SEMA4B: variants seen among roughly 807,000 people sequenced by gnomAD.
The protein encoded by SEMA4B is semaphorin-4B.
In SEMA4B, 55 loss-of-function variants were observed where a neutral mutation model predicts 88.1. The ratio of observed to expected loss-of-function variants is 0.62; its 90% confidence interval spans 0.50 to 0.78. The LOEUF (loss-of-function observed/expected upper bound fraction) is 0.78, where lower values mean the gene tolerates loss of function less well. Ranked by LOEUF, SEMA4B falls within the 30% of genes least tolerant of loss-of-function variation. The pLI is 0.00. For missense variants in SEMA4B, 1,062 were observed against 1,111.9 expected (o/e 0.96, Z 0.64); for synonymous variants, 525 against 473.6 (o/e 1.11, Z -1.41).
intron 5 of SEMA4B, 21 bp from the exon 6 acceptor site, chr15:90,221,346 A>G: frequency 6.5e-7 from 1 of 1,540,728 alleles, no homozygotes; most frequent in Non-Finnish European, 8.8e-7. Context: ...GCCCATTCCC[A>G]TGGGAATGTT....
rs1265615715 is a variant in SEMA4B, at chr15:90,224,005, T to A, written c.1194+17T>A. 11 of 1,599,934 alleles carry A rather than the reference T, an allele frequency of 6.9e-6. No homozygotes were observed. In the South Asian group the frequency reaches 1.1e-4, roughly 16 times the overall value. Reference sequence around the variant, plus strand: ...CCTGGAGCGGTGGGTACTGGCTCCCTGCACCCAGAAGGGGTGCCGGGAAGA... The same window carrying A: ...CCTGGAGCGGTGGGTACTGGCTCCCAGCACCCAGAAGGGGTGCCGGGAAGA... On this transcript the variant is annotated intron_variant, in intron 9 of 13. Coordinates refer to ENST00000411539, the MANE Select transcript of SEMA4B (RefSeq NM_198925.4).
intron 3 of SEMA4B, chr15:90,219,079 A>T (rs1113197): frequency 0.2 from 29,891 of 152,098 alleles, 3,703 homozygotes; most frequent in East Asian, 0.63. Flanking sequence ...TGTGGTAGAG[A>T]AGCCTCCATG....
upstream of SEMA4B, among the ~76,000 whole-genome samples, chr15:90,200,116 G>T (rs1308094967): frequency 6.6e-6 from 1 of 152,260 alleles, no homozygotes; most frequent in Non-Finnish European, 1.5e-5. Context: ...TTAGCTGTAA[G>T]AAAGGAGACC....
At chr15:90,225,560 G>A (rs1962119728) in intron 11 of SEMA4B, 101 bp from the exon 12 acceptor site, 3 of 1,387,670 alleles carry the variant, frequency 2.2e-6, no homozygotes, top group African/African-American at 1.4e-5. Flanking sequence ...TACGTAACAG[G>A]CCTCTTGGGG....
intron 3 of SEMA4B, chr15:90,219,067 A>G (rs1382189472): frequency 1.3e-5 from 2 of 152,248 alleles, no homozygotes; most frequent in African/African-American, 2.4e-5. Context: ...CACTCTGGCT[A>G]CTGTGGTAGA....
At chr15:90,193,509 C>G (rs1960408759) in intron 1 of SEMA4B, 1 of 152,296 alleles carries the variant, frequency 6.6e-6, no homozygotes, top group East Asian at 1.9e-4. Context: ...CCTCAAAGGA[C>G]TTGCTGCCCA....
At chr15:90,198,588 A>T (rs7168219), upstream of SEMA4B, among the ~76,000 whole-genome samples, 2,613 of 152,296 alleles carry the variant, frequency 0.017, 62 homozygotes, top group African/African-American at 0.059. Context: ...CTTCAAGGTG[A>T]TAAATGAGCA....
chr15:90,224,472 G>A (rs1962037025), intron 9 of SEMA4B, among the ~76,000 whole-genome samples: 1 of 152,232 alleles, frequency 6.6e-6, no homozygotes, highest in Admixed American at 6.5e-5. Context: ...AGAGGAGGAG[G>A]GAGGGAAACC....
chr15:90,224,991 A>G lies in SEMA4B; in HGVS notation c.1218A>G (p.Glu406=), dbSNP rs373797394. 358 of 1,613,896 alleles carry G rather than the reference A, an allele frequency of 2.2e-4. No individual in the cohort carries two copies. The African/African-American group carries it at 4.3e-3, about 19-fold the overall frequency. ...PGACITNSAR[E]RKINSSLQLP... is the part of the protein sequence containing the mutation. Reference sequence around the variant, plus strand: ...AGTGCATCACCAACAGTGCCCGGGAAAGGAAGATCAACTCATCCCTGCAGC... The same window carrying G: ...AGTGCATCACCAACAGTGCCCGGGAGAGGAAGATCAACTCATCCCTGCAGC... Residue 406 remains glutamate (E), a synonymous_variant, in exon 10 of 14, where the codon GAA becomes GAG. Transcript: ENST00000411539.
chr15:90,185,311 G>A (rs1282925170), intron 1 of SEMA4B, among the ~76,000 whole-genome samples: 1 of 152,232 alleles, frequency 6.6e-6, no homozygotes, highest in Non-Finnish European at 1.5e-5. Context: ...ATGGCCACCG[G>A]GGGCCTTTGA....
At chr15:90,195,926 T>A (rs1283123216) in intron 1 of SEMA4B, among the ~76,000 whole-genome samples, 1 of 111,420 alleles carries the variant, frequency 9.0e-6, no homozygotes, top group Non-Finnish European at 1.7e-5. Context: ...GTACTTCTCT[T>A]TTTTTTTTTT....
At chr15:90,193,657 A>G (rs1050377266) in intron 1 of SEMA4B, 4 of 152,184 alleles carry the variant, frequency 2.6e-5, no homozygotes, top group African/African-American at 9.7e-5. Flanking sequence ...CACCAGGGCA[A>G]AGCAGCCCCA....
chr15:90,211,784 A>G (rs1199105610), intron 1 of SEMA4B, among the ~76,000 whole-genome samples: 1 of 152,020 alleles, frequency 6.6e-6, no homozygotes, highest in African/African-American at 2.4e-5. Flanking sequence ...AGAGTGGGGG[A>G]GGCCACTGGC....
intron 10 of SEMA4B, 25 bp from the exon 11 acceptor site, chr15:90,225,257 G>A: frequency 6.4e-7 from 1 of 1,554,500 alleles, no homozygotes; most frequent in South Asian, 1.2e-5. Flanking sequence ...CTCCACCCAG[G>A]GCCTGAGTCC....
chr15:90,209,464 C>G (rs749268904), intron 1 of SEMA4B, among the ~76,000 whole-genome samples: 16 of 152,042 alleles, frequency 1.1e-4, no homozygotes, highest in Admixed American at 4.6e-4. Flanking sequence ...ACTCAGGAGG[C>G]TGAGGCTGAG....
chr15:90,213,116 A>G (rs1961354571), intron 1 of SEMA4B, among the ~76,000 whole-genome samples: 1 of 152,200 alleles, frequency 6.6e-6, no homozygotes, highest in African/African-American at 2.4e-5. Context: ...GTTATTATGT[A>G]TATTATTATT....
At chr15:90,195,634 G>A (rs952846703) in intron 1 of SEMA4B, among the ~76,000 whole-genome samples, 7 of 152,066 alleles carry the variant, frequency 4.6e-5, no homozygotes, top group African/African-American at 1.7e-4. Flanking sequence ...TTTTGAGACA[G>A]GGTCTCACTT....
rs922211957 is a variant in SEMA4B at position 90,201,431 on chromosome 15, C to G, written c.-148C>G. Reference sequence around the variant, plus strand: ...GCTGAGTTTGCCAGGGCCCACTTGACCCTGTTTCCCACCTCCCGCCCCCCA... The same window carrying G: ...GCTGAGTTTGCCAGGGCCCACTTGAGCCTGTTTCCCACCTCCCGCCCCCCA... On this transcript the variant is annotated 5_prime_UTR_variant, in exon 1 of 14. Transcript: ENST00000411539. 4.6e-6 allele frequency: 6 copies of G among 1,296,634 alleles called. No homozygotes were observed. In the African/African-American group the frequency reaches 7.8e-5, roughly 17 times the overall value. 80.3% of individuals were successfully genotyped at this position (1,296,634 alleles called of 1,614,324 possible).
At chr15:90,190,039 C>T (rs1195529786) in intron 1 of SEMA4B, among the ~76,000 whole-genome samples, 1 of 152,194 alleles carries the variant, frequency 6.6e-6, no homozygotes, top group Non-Finnish European at 1.5e-5. Context: ...CTCTTAGAGC[C>T]CACTCTCCTG....
Sources: allele counts gnomAD v4.1 joint callset (sites outside exome capture counted in the v4.1 genomes callset), GRCh38; gene constraint gnomAD v4.1.1; transcripts MANE v1.5; gene names NCBI Gene and HGNC (gene_info 2026-07-23, HGNC 2026-07-21).